TMEFF2: variants seen among roughly 807,000 people sequenced by gnomAD.
The protein encoded by TMEFF2 is tomoregulin-2.
TMEFF2 carries 28 observed loss-of-function variants against 53.8 expected under a neutral mutation model. The ratio of observed to expected loss-of-function variants is 0.52; its 90% CI spans 0.39 to 0.71. The LOEUF is 0.71. TMEFF2 is among the 30% of genes least tolerant of loss of function. The pLI is 0.00. For synonymous variants in TMEFF2, 162 were observed against 166.3 expected, an observed-to-expected ratio of 0.97 and a Z score of 0.20; for missense variants, 353 against 455.2, an observed-to-expected ratio of 0.78 and a Z score of 2.04.
intron 5 of TMEFF2, among the ~76,000 whole-genome samples, chr2:192,037,273 T>TAAAGAAAAGAAAG (rs1687323080): frequency 1.1e-5 from 1 of 94,736 alleles, no homozygotes; most frequent in Non-Finnish European, 2.0e-5. Context: ...CTAGCCAAAA[T>TAAAGAAAAGAAAG]AAAGAAAGAA....
At chr2:192,114,940 C>G (rs1442469242) in intron 4 of TMEFF2, among the ~76,000 whole-genome samples, 3 of 151,802 alleles carry the variant, frequency 2.0e-5, no homozygotes, top group Non-Finnish European at 4.4e-5. Context: ...ATATGTATAT[C>G]AAATCATCAC....
rs377720327 is a variant in TMEFF2, at chr2:191,962,072, T to C, written c.746-5694A>G. On this transcript the variant is annotated intron_variant, in intron 7 of 9. Transcript: ENST00000272771. The stretch of plus-strand genomic sequence containing the variant: ...CAGAGACCCAGTCATAACATTCTTG[T>C]TATTTAATCTCTGTTAAAGACTTAG... Among the ~76,000 whole-genome samples the C allele has an allele frequency of 3.0e-4, 46 of 152,336 alleles. No individual in the cohort carries two copies. The South Asian group carries it at 9.1e-3, about 30-fold the overall frequency.
At chr2:191,991,441 G>A (rs1358777862) in intron 7 of TMEFF2, among the ~76,000 whole-genome samples, 1 of 152,080 alleles carries the variant, frequency 6.6e-6, no homozygotes, top group African/African-American at 2.4e-5. Context: ...TAATTTGCTT[G>A]TTAATGCCTT....
chr2:192,137,609 C>A (rs566864175), intron 4 of TMEFF2, among the ~76,000 whole-genome samples: 1 of 151,986 alleles, frequency 6.6e-6, no homozygotes, highest in African/African-American at 2.4e-5. Context: ...TGGTTGGTAT[C>A]ATCTGGCAAG....
intron 2 of TMEFF2, among the ~76,000 whole-genome samples, chr2:192,185,955 T>A (rs1691301464): frequency 6.6e-6 from 1 of 152,106 alleles, no homozygotes. Flanking sequence ...GGTATGACAG[T>A]CATATTAAGA....
Position 192,194,508 on chromosome 2 carries a change from G to A in TMEFF2, c.17C>T (p.Ser6Phe). The change falls in exon 1 of 10, where the codon TCC becomes TTC. Residue 6 changes from serine to phenylalanine, a missense_variant. By Grantham distance (155) the Ser-to-Phe change is radical (BLOSUM62 -2). Transcript: ENST00000272771. The surrounding 1 kb of genome is among the most constrained non-coding windows in gnomAD (Gnocchi z 4.2). ...TGTCCAGCTGCTGCACTGCCGCGGG[G>A]ACTCCCACAGCACCATGACTAGTTC... is the stretch of plus-strand genomic sequence containing the variant. MVLWE[S>F]PRQCSSWTLC... 6.2e-7 allele frequency: 1 copy of A among 1,613,536 alleles called. No individual in the cohort carries two copies. Among genetic ancestry groups the A allele is most frequent in the Non-Finnish European group, 8.5e-7 (1 of 1,180,002 alleles).
chr2:192,112,091 CA>C (rs1382636532), intron 4 of TMEFF2, among the ~76,000 whole-genome samples: 3 of 152,190 alleles, frequency 2.0e-5, no homozygotes, highest in African/African-American at 7.2e-5. Context: ...TTACAGCCCC[CA>C]CACAGAGTTC....
chr2:192,029,547 T>C (rs979921750), intron 5 of TMEFF2: 1 of 152,198 alleles, frequency 6.6e-6, no homozygotes. Flanking sequence ...AGGATGAGCA[T>C]TTCGTGATGG....
At chr2:192,188,985 A>G (rs1453998890) in intron 2 of TMEFF2, among the ~76,000 whole-genome samples, 2 of 152,166 alleles carry the variant, frequency 1.3e-5, no homozygotes, top group Non-Finnish European at 2.9e-5. Context: ...ACATGTTTAC[A>G]TATGTAATAA....
chr2:191,999,004 A>G, intron 6 of TMEFF2, 56 bp downstream of exon 6: 3 of 1,542,608 alleles, frequency 1.9e-6, no homozygotes, highest in Admixed American at 1.9e-5. Flanking sequence ...TTCACTTTTC[A>G]TTTTTGCACA....
intron 4 of TMEFF2, among the ~76,000 whole-genome samples, chr2:192,073,751 T>C (rs1238287098): frequency 6.6e-6 from 1 of 152,044 alleles, no homozygotes; most frequent in Non-Finnish European, 1.5e-5. Flanking sequence ...TCTCAATGTA[T>C]AATACATTAA....
intron 4 of TMEFF2, among the ~76,000 whole-genome samples, chr2:192,165,805 A>C (rs1273606531): frequency 6.6e-6 from 1 of 152,128 alleles, no homozygotes; most frequent in African/African-American, 2.4e-5. Context: ...TTAGCAGTAG[A>C]TACTGTGTGC....
chr2:192,177,137 G>A (rs1246404626), intron 4 of TMEFF2: 2 of 151,068 alleles, frequency 1.3e-5, no homozygotes, highest in African/African-American at 2.4e-5. Context: ...TACAATTGTT[G>A]GATTAGCCAA....
chr2:192,038,248 T>A (rs1202913081), intron 5 of TMEFF2, among the ~76,000 whole-genome samples: 1 of 152,202 alleles, frequency 6.6e-6, no homozygotes, highest in Non-Finnish European at 1.5e-5. Context: ...AAATTTTGGC[T>A]TTGACCTTTA....
intron 5 of TMEFF2, among the ~76,000 whole-genome samples, chr2:192,056,208 C>A (rs1238002318): frequency 1.3e-5 from 2 of 151,906 alleles, no homozygotes; most frequent in African/African-American, 4.8e-5. Context: ...AGTCTACATA[C>A]TGCAGAAAAT....
intron 5 of TMEFF2, among the ~76,000 whole-genome samples, chr2:192,006,720 CCTGGATTTCAAATT>C (rs1486753375): frequency 1.3e-5 from 2 of 152,132 alleles, no homozygotes; most frequent in Admixed American, 6.5e-5. Flanking sequence ...GCTTTCAAAT[CCTGGATTTCAAATT>C]CTGGATGCAG....
At chr2:192,063,217 T>A (rs1276927360) in intron 4 of TMEFF2, among the ~76,000 whole-genome samples, 1 of 151,974 alleles carries the variant, frequency 6.6e-6, no homozygotes, top group Non-Finnish European at 1.5e-5. Context: ...TTTAGTTGCA[T>A]ACCACAAATA....
intron 5 of TMEFF2, among the ~76,000 whole-genome samples, chr2:192,041,158 A>T (rs1244121075): frequency 2.0e-5 from 3 of 152,214 alleles, no homozygotes; most frequent in African/African-American, 7.2e-5. Context: ...GGATACGGTC[A>T]AGAGAGTGAA....
intron 5 of TMEFF2, among the ~76,000 whole-genome samples, chr2:192,051,416 A>C (rs1220622366): frequency 6.6e-6 from 1 of 152,166 alleles, no homozygotes; most frequent in Admixed American, 6.5e-5. Flanking sequence ...CTTTAAATGT[A>C]CCATATCCAA....
Sources: gnomAD v4.1 joint callset for allele counts (sites outside exome capture counted in the v4.1 genomes callset) on GRCh38, gnomAD v4.1.1 for gene constraint, Gnocchi (gnomAD v3.1) non-coding constraint, MANE v1.5 for transcripts, NCBI Gene and HGNC (gene_info 2026-07-23, HGNC 2026-07-21) for gene names.